ZCCHC17: variants seen among roughly 807,000 people sequenced by gnomAD.
ZCCHC17 encodes zinc finger CCHC domain-containing protein 17.
Under a neutral mutation model 30.6 loss-of-function variants are expected in ZCCHC17, and 18 were observed. The ratio of observed to expected loss-of-function variants is 0.59; its 90% CI spans 0.41 to 0.87. ZCCHC17 has a LOEUF of 0.87. Among genes scored for constraint, ZCCHC17 ranks in the 40% least tolerant of loss-of-function variants. The probability of loss-of-function intolerance (pLI) is 0.00; values close to 1 mark genes in which losing one functional copy is unlikely to be tolerated. For synonymous variants in ZCCHC17, 88 were observed against 92.4 expected (o/e 0.95, Z 0.27); for missense variants, 263 against 284.2 (o/e 0.93, Z 0.54).
chr1:31,335,788 A>G (rs558439874), intron 3 of ZCCHC17, among the ~76,000 whole-genome samples: 1 of 152,316 alleles, frequency 6.6e-6, no homozygotes, highest in African/African-American at 2.4e-5. Context: ...TTCTTATTTT[A>G]CTATCCTTTC....
At chr1:31,359,490 C>G (rs1639782342) in intron 7 of ZCCHC17, among the ~76,000 whole-genome samples, 1 of 152,174 alleles carries the variant, frequency 6.6e-6, no homozygotes, top group African/African-American at 2.4e-5. Flanking sequence ...CACACCACTG[C>G]ACTCCAGCCT....
intron 2 of ZCCHC17, among the ~76,000 whole-genome samples, chr1:31,317,136 T>C (rs1646755187): frequency 6.6e-6 from 1 of 151,732 alleles, no homozygotes; most frequent in Admixed American, 6.6e-5. Flanking sequence ...GTGATTTTTC[T>C]GTCTCAGCCT....
In ZCCHC17 at chr1:31,320,095, T is replaced by C. The variant is rs529735963; in HGVS notation, c.124+929T>C. Reference sequence around the variant, plus strand: ...GATAAAAAAATATTACTTGGTACTATAGTAAAAGATACTCATTCTCCGTAT... The same window carrying C: ...GATAAAAAAATATTACTTGGTACTACAGTAAAAGATACTCATTCTCCGTAT... On this transcript the variant is annotated intron_variant, in intron 3 of 7. Transcript: ENST00000344147. Among the ~76,000 whole-genome samples, 9 of 152,240 alleles carry C rather than the reference T, an allele frequency of 5.9e-5. No individual in the cohort carries two copies. In the South Asian group the frequency reaches 1.9e-3, roughly 32 times the overall value.
At chr1:31,355,717 A>T (rs2148477902) in intron 7 of ZCCHC17, among the ~76,000 whole-genome samples, 1 of 152,254 alleles carries the variant, frequency 6.6e-6, no homozygotes, top group East Asian at 1.9e-4. Flanking sequence ...ACATATCAGG[A>T]CTCATCAAGT....
rs71035094 is a variant in ZCCHC17, at chr1:31,345,562, A to ATT, written c.318-1078_318-1077insTT. 2.0e-4 allele frequency among the ~76,000 whole-genome samples: 20 copies of ATT among 99,796 alleles called. No individual in the cohort carries two copies. The East Asian group carries it at 2.4e-3, about 12-fold the overall frequency. The allele number at this position is 99,796 out of a possible 152,430, so 65.5% of individuals were successfully genotyped here. A position where few individuals can be genotyped will look rare whatever the true frequency, so the allele number is the denominator to read the frequency against. On this transcript the variant is annotated intron_variant, in intron 5 of 7. Coordinates refer to ENST00000344147, the MANE Select transcript of ZCCHC17 (RefSeq NM_016505.4). Reference sequence around the variant, plus strand: ...GACAGACATTTATATATATATATATAATATAATATATATATATATATTAGT... The same window carrying ATT: ...GACAGACATTTATATATATATATATATTATATAATATATATATATATATTAGT...
At chr1:31,315,494 ATTT>A (rs1646711866) in intron 2 of ZCCHC17, among the ~76,000 whole-genome samples, 1 of 152,114 alleles carries the variant, frequency 6.6e-6, no homozygotes, top group Non-Finnish European at 1.5e-5. Context: ...GAGACTTGGG[ATTT>A]GGCTTAGGCT....
At chr1:31,321,407 ATC>A (rs1396403207) in intron 3 of ZCCHC17, among the ~76,000 whole-genome samples, 1 of 152,158 alleles carries the variant, frequency 6.6e-6, no homozygotes, top group East Asian at 1.9e-4. Flanking sequence ...AGTCAGTTAA[ATC>A]TCTTTCCTTG....
At chr1:31,336,322 G>C (rs1305349272) in intron 3 of ZCCHC17, among the ~76,000 whole-genome samples, 2 of 151,974 alleles carry the variant, frequency 1.3e-5, no homozygotes, top group African/African-American at 4.8e-5. Flanking sequence ...AAGTTTTTTG[G>C]CTCTTGTGAG....
chr1:31,360,448 C>T (rs1049648760), intron 7 of ZCCHC17, among the ~76,000 whole-genome samples: 3 of 152,212 alleles, frequency 2.0e-5, no homozygotes, highest in East Asian at 1.9e-4. Context: ...GGATCACAGG[C>T]GTGAGCCACC....
At chr1:31,345,678 G>T (rs1455621551) in intron 5 of ZCCHC17, among the ~76,000 whole-genome samples, 1 of 140,264 alleles carries the variant, frequency 7.1e-6, no homozygotes, top group Non-Finnish European at 1.5e-5. Flanking sequence ...TGTATAGGAG[G>T]CATGGCTGGG....
rs150987513 is a variant in ZCCHC17, at chr1:31,360,686, T to A, written c.565-3346T>A. Among the ~76,000 whole-genome samples, 19 of 152,322 alleles carry A rather than the reference T, an allele frequency of 1.2e-4. No individual in the cohort carries two copies. In the East Asian group the frequency reaches 1.7e-3, roughly 14 times the overall value. ...CATGCCAGGACTCTCCAGTGATTTG[T>A]TTTTATCTTCCCTCCTCCTGAGCCT... On this transcript the variant is annotated intron_variant, in intron 7 of 7. Transcript: ENST00000344147.
chr1:31,305,668 C>G (rs1455989675), intron 1 of ZCCHC17, among the ~76,000 whole-genome samples: 1 of 152,006 alleles, frequency 6.6e-6, no homozygotes, highest in Non-Finnish European at 1.5e-5. Flanking sequence ...CCTCGAACTT[C>G]TGGTCTCAAG....
At chr1:31,312,752 A>G (rs1310239655) in intron 2 of ZCCHC17, among the ~76,000 whole-genome samples, 1 of 152,188 alleles carries the variant, frequency 6.6e-6, no homozygotes, top group African/African-American at 2.4e-5. Context: ...TTACAAGAGC[A>G]TGTAGTTTGC....
chr1:31,302,302 T>TCTA (rs55844616), intron 1 of ZCCHC17, among the ~76,000 whole-genome samples: 9,189 of 151,988 alleles, frequency 0.06, 525 homozygotes, highest in South Asian at 0.21. Context: ...TCCTTCTTCT[T>TCTA]CTATATCCTT....
chr1:31,304,812 G>A (rs1351062722), intron 1 of ZCCHC17, among the ~76,000 whole-genome samples: 1 of 151,536 alleles, frequency 6.6e-6, no homozygotes, highest in Non-Finnish European at 1.5e-5. Context: ...AGCCAGGATG[G>A]TCTTGATCTC....
At chr1:31,338,916 T>G in intron 4 of ZCCHC17, 41 bp from the exon 5 acceptor site, 1 of 1,350,940 alleles carries the variant, frequency 7.4e-7, no homozygotes, top group Non-Finnish European at 1.0e-6. Flanking sequence ...ATCTAAATGA[T>G]GTATTTAAAG....
At chr1:31,346,511 C>A in intron 5 of ZCCHC17, 129 bp from the exon 6 acceptor site, 1 of 1,047,446 alleles carries the variant, frequency 9.5e-7, no homozygotes, top group Non-Finnish European at 1.3e-6. Flanking sequence ...CTGTCTCGTT[C>A]TGTCAAAAAC....
intron 1 of ZCCHC17, among the ~76,000 whole-genome samples, chr1:31,298,383 T>G (rs964923180): frequency 3.4e-5 from 5 of 148,014 alleles, no homozygotes; most frequent in South Asian, 2.1e-4. Flanking sequence ...ACCAGTTTTT[T>G]TTTGTTTTTT....
intron 5 of ZCCHC17, among the ~76,000 whole-genome samples, chr1:31,343,846 A>ATTTTTTT (rs71569979): frequency 2.5e-5 from 2 of 80,772 alleles, no homozygotes; most frequent in Non-Finnish European, 4.4e-5. Context: ...TGCCCCACTA[A>ATTTTTTT]TTTTTTTTTT....
Sources: allele counts gnomAD v4.1 joint callset (sites outside exome capture counted in the v4.1 genomes callset), GRCh38; gene constraint gnomAD v4.1.1; transcripts MANE v1.5; gene names NCBI Gene and HGNC (gene_info 2026-07-23, HGNC 2026-07-21).